GAK: variants seen among roughly 807,000 people sequenced by gnomAD.
The protein encoded by GAK is cyclin G associated kinase.
A neutral mutation model predicts 143.9 loss-of-function variants in GAK; 79 were observed. The ratio of observed to expected loss-of-function variants is 0.55; its 90% CI spans 0.46 to 0.66. The LOEUF (loss-of-function observed/expected upper bound fraction) is 0.66, where lower values mean the gene tolerates loss of function less well. Among genes scored for constraint, GAK ranks in the 30% least tolerant of loss-of-function variants. The probability of loss-of-function intolerance (pLI) is 0.00; values close to 1 mark genes in which losing one functional copy is unlikely to be tolerated. For missense variants in GAK, 1,693 were observed against 1,779.7 expected (o/e 0.95, Z 0.88); for synonymous variants, 881 against 765.5 (o/e 1.15, Z -2.49).
chr4:859,338 C>T, intron 24 of GAK: 2 of 1,408,552 alleles, frequency 1.4e-6, no homozygotes, highest in Non-Finnish European at 1.9e-6. Context: ...CCCCATGGCC[C>T]TGAGGACAGG....
At chr4:920,369 C>G (rs933248716) in intron 1 of GAK, among the ~76,000 whole-genome samples, 1 of 151,246 alleles carries the variant, frequency 6.6e-6, no homozygotes, top group Admixed American at 6.6e-5. Context: ...TGACTTTTAA[C>G]ACCTCTAACG....
At chr4:887,385 G>A (rs1445601670) in intron 11 of GAK, 1 of 145,154 alleles carries the variant, frequency 6.9e-6, no homozygotes, top group Non-Finnish European at 1.5e-5. Context: ...CTCAGGCACA[G>A]GCACTCGCGC....
At chr4:865,001 G>C in intron 23 of GAK, 121 bp downstream of exon 23, 1 of 1,340,920 alleles carries the variant, frequency 7.5e-7, no homozygotes, top group Non-Finnish European at 1.0e-6. Flanking sequence ...CACCAAGCAC[G>C]CCCCAGCCCT....
chr4:913,710 A>G, intron 1 of GAK, 42 bp from the exon 2 acceptor site: 13 of 1,487,996 alleles, frequency 8.7e-6, no homozygotes, highest in Non-Finnish European at 1.2e-5. Context: ...CTATGATTTT[A>G]TTTAACATAT....
chr4:886,185 A>C (rs1716293962), intron 11 of GAK: 1 of 152,246 alleles, frequency 6.6e-6, no homozygotes, highest in Non-Finnish European at 1.5e-5. Flanking sequence ...GAGCAAAACA[A>C]ACAGCAGGGC....
rs148765045 is a variant in GAK, at chr4:882,744, C to A, written c.1480G>T (p.Ala494Ser). The A allele has an allele frequency of 9.3e-6, 15 of 1,612,498 alleles. No individual in the cohort carries two copies. The African/African-American group carries it at 9.3e-5, about 10-fold the overall frequency. The change falls in exon 14 of 28, where the codon GCC becomes TCC. Residue 494 changes from alanine (A) to serine (S), a missense_variant. By Grantham distance (99) the Ala-to-Ser change is moderately conservative. Around this residue, in one of 2 missense-constraint regions of GAK, gnomAD observed 871 missense variants for 991.0 expected, o/e 0.88. Coordinates refer to ENST00000314167, the MANE Select transcript of GAK (RefSeq NM_005255.4). The stretch of plus-strand genomic sequence containing the variant: ...TTCTTGTGGTCCTGCCGCAGCCAGG[C>A]GTGCATGTTCCTGCAGATGTTGTAC... ...TLYNICRNMH[A>S]WLRQDHKNVC...
intron 19 of GAK, among the ~76,000 whole-genome samples, chr4:870,304 G>T (rs1255509487): frequency 6.6e-6 from 1 of 152,248 alleles, no homozygotes; most frequent in Admixed American, 6.5e-5. Flanking sequence ...CTGCTCGGAA[G>T]TGAAGAGCGA....
At chr4:858,073 G>A (rs564975526) in intron 24 of GAK, among the ~76,000 whole-genome samples, 1 of 152,274 alleles carries the variant, frequency 6.6e-6, no homozygotes, top group Admixed American at 6.5e-5. Flanking sequence ...GTGGTCAGAC[G>A]GCATGCTGCA....
In GAK at chr4:866,468, A is replaced by G. The variant is rs1468548412; in HGVS notation, c.2939T>C (p.Leu980Pro). 6.2e-7 allele frequency: 1 copy of G among 1,614,044 alleles called. No individual in the cohort carries two copies. Among genetic ancestry groups the G allele is most frequent in the Admixed American group, 1.7e-5 (1 of 60,010 alleles). The change falls in exon 22 of 28, where the codon CTC becomes CCC. Residue 980 changes from leucine (L) to proline (P), a missense_variant. Transcript: ENST00000314167. ...GTCCGAATTGAGAAATTCGCCGAAG[A>G]GATCAGGATTGGAGCAGGGCTGGGA... ...NNSQPCSNPD[L>P]FGEFLNSDSV... is the part of the protein sequence containing the mutation.
At chr4:911,643 G>A (rs759467422) in intron 4 of GAK, 30 bp downstream of exon 4, 11 of 1,514,464 alleles carry the variant, frequency 7.3e-6, no homozygotes, top group Middle Eastern at 1.7e-4. Context: ...TGGGTTAGAT[G>A]GCACCAAGCC....
chr4:851,956 G>A lies in GAK; in HGVS notation c.3302C>T (p.Pro1101Leu), dbSNP rs1748231041. ...SGLQGSPAGF[P>L]PGGFIPKTAT... ...CGTTTTGGGAATGAAGCCCCCAGGA[G>A]GGAATCCAGCTGGTGAGCCTGTGGA... is the stretch of plus-strand genomic sequence containing the variant. Residue 1101 changes from proline to leucine, a missense_variant, in exon 25 of 28, where the codon CCT (proline) becomes CTT (leucine). Around this residue, in one of 2 missense-constraint regions of GAK, gnomAD observed 822 missense variants for 788.7 expected, o/e 1.04. Coordinates refer to ENST00000314167, the MANE Select transcript of GAK (RefSeq NM_005255.4). 4 of 1,613,698 alleles carry A rather than the reference G, an allele frequency of 2.5e-6. No individual in the cohort carries two copies. Among genetic ancestry groups the A allele is most frequent in the Admixed American group, 1.7e-5 (1 of 59,952 alleles).
Position 867,020 on chromosome 4 carries a change from G to A in GAK, c.2808C>T (p.Leu936=). The change falls in exon 21 of 28, where the codon CTC becomes CTT. Residue 936 remains leucine, a synonymous_variant. Transcript: ENST00000314167. ...PEDLLSEDPL[L]LASPAPPLSV... is the part of the protein sequence containing the mutation. The stretch of plus-strand genomic sequence containing the variant: ...TCAGGGGAGGGGCCGGGCTTGCCAG[G>A]AGCAGCGGGTCCTCGCTGAGCAGAT... 1.3e-6 allele frequency: 2 copies of A among 1,501,830 alleles called. No individual in the cohort carries two copies. The highest frequency in any genetic ancestry group is 1.4e-5 in the South Asian group (1 of 73,874). The allele number at this position is 1,501,830 out of a possible 1,614,324, so 93.0% of individuals were successfully genotyped here. A position where few individuals can be genotyped will look rare whatever the true frequency, so the allele number is the denominator to read the frequency against.
At chr4:890,692 G>A (rs1717470414) in intron 9 of GAK, 70 bp from the exon 10 acceptor site, 1 of 1,295,424 alleles carries the variant, frequency 7.7e-7, no homozygotes, top group Non-Finnish European at 1.1e-6. Context: ...TCGGGCAGAG[G>A]TACGGTATGG....
At chr4:864,472 T>C (rs1750796338) in intron 23 of GAK, among the ~76,000 whole-genome samples, 1 of 152,166 alleles carries the variant, frequency 6.6e-6, no homozygotes, top group Non-Finnish European at 1.5e-5. Flanking sequence ...GACTGTGGTC[T>C]GGAAGCAAAC....
chr4:889,393 T>G (rs1717204355), intron 10 of GAK, among the ~76,000 whole-genome samples: 1 of 151,932 alleles, frequency 6.6e-6, no homozygotes, highest in African/African-American at 2.4e-5. Context: ...CCTGGCCTGG[T>G]GGGTCCTGCG....
chr4:896,392 C>T (rs1464688035), intron 7 of GAK, 68 bp downstream of exon 7: 4 of 1,253,496 alleles, frequency 3.2e-6, no homozygotes, highest in Non-Finnish European at 4.5e-6. Context: ...GGTGCCCGGC[C>T]CACGCCGCCT....
intron 11 of GAK, chr4:884,342 G>C: frequency 4.0e-6 from 2 of 498,842 alleles, no homozygotes; most frequent in East Asian, 3.7e-5. Context: ...AGACAGGAGA[G>C]ACATCCGCTG....
At chr4:916,331 C>A (rs1462781019) in intron 1 of GAK, among the ~76,000 whole-genome samples, 1 of 152,184 alleles carries the variant, frequency 6.6e-6, no homozygotes, top group Non-Finnish European at 1.5e-5. Flanking sequence ...CTATCACAAC[C>A]CACTGCCTCG....
chr4:850,863 A>T (rs1748013666), intron 26 of GAK, 73 bp downstream of exon 26: 1 of 1,518,996 alleles, frequency 6.6e-7, no homozygotes, highest in Non-Finnish European at 8.9e-7. Flanking sequence ...CGGCTCCATA[A>T]GGCACAGCAG....
Sources: gnomAD v4.1 joint callset for allele counts (sites outside exome capture counted in the v4.1 genomes callset) on GRCh38, gnomAD v4.1.1 for gene constraint, gnomAD v4.1.1 regional missense constraint, MANE v1.5 for transcripts, NCBI Gene and HGNC (gene_info 2026-07-23, HGNC 2026-07-21) for gene names.